The following STIM2 variants were observed in gnomAD, a reference collection of about 807,000 sequenced individuals.
STIM2 encodes the protein stromal interaction molecule 2.
STIM2 carries 31 observed loss-of-function variants against 85.8 expected under a neutral mutation model. The ratio of observed to expected loss-of-function variants is 0.36; its 90% CI spans 0.27 to 0.49. STIM2 has a LOEUF of 0.49. Among genes scored for constraint, STIM2 ranks in the 20% least tolerant of loss-of-function variants. STIM2 has a pLI of 0.98. For missense variants in STIM2, 841 were observed against 927.6 expected (o/e 0.91, Z 1.21); for synonymous variants, 356 against 331.1 (o/e 1.08, Z -0.82).
intron 2 of STIM2, among the ~76,000 whole-genome samples, chr4:26,933,809 T>C (rs1011168800): frequency 5.5e-5 from 8 of 146,012 alleles, no homozygotes; most frequent in African/African-American, 1.8e-4. Context: ...TTAAAATAAA[T>C]AGCTGTATAT....
At chr4:27,009,578 T>A (rs1338548983) in intron 10 of STIM2, among the ~76,000 whole-genome samples, 1 of 152,240 alleles carries the variant, frequency 6.6e-6, no homozygotes, top group Non-Finnish European at 1.5e-5. Context: ...TTGCTGGTTT[T>A]ACTTCTCTGG....
intron 1 of STIM2, among the ~76,000 whole-genome samples, chr4:26,916,414 A>C (rs1560206221): frequency 6.6e-6 from 1 of 152,208 alleles, no homozygotes; most frequent in Non-Finnish European, 1.5e-5. Context: ...GAGTGCTGCC[A>C]GGCTGACTGT....
chr4:26,903,151 T>G (rs765832810), intron 1 of STIM2, among the ~76,000 whole-genome samples: 2 of 152,128 alleles, frequency 1.3e-5, no homozygotes, highest in Non-Finnish European at 2.9e-5. Context: ...CTTACCTCAT[T>G]AACACAGCCT....
At chr4:27,010,434 ACT>A (rs1304130036) in intron 10 of STIM2, among the ~76,000 whole-genome samples, 2 of 152,098 alleles carry the variant, frequency 1.3e-5, no homozygotes, top group African/African-American at 4.8e-5. Flanking sequence ...ACAGAGCAAG[ACT>A]CAGTCTCAAA....
intron 2 of STIM2, among the ~76,000 whole-genome samples, chr4:26,920,730 A>G (rs1398221145): frequency 6.6e-6 from 1 of 152,202 alleles, no homozygotes; most frequent in African/African-American, 2.4e-5. Flanking sequence ...TGATTCCTCT[A>G]TCTCTAGGCC....
chr4:26,873,294 G>A (rs1722696554), intron 1 of STIM2, among the ~76,000 whole-genome samples: 1 of 151,850 alleles, frequency 6.6e-6, no homozygotes, highest in Non-Finnish European at 1.5e-5. Context: ...AGCTACTTGG[G>A]AGGCAGGAAA....
rs538116604 is a variant in STIM2, at chr4:27,022,528, A to G, written c.1773A>G (p.Pro591=). The G allele has an allele frequency of 1.9e-6, 3 of 1,591,470 alleles. No homozygotes were observed. In the South Asian group the frequency reaches 3.4e-5, roughly 18 times the overall value. The stretch of plus-strand genomic sequence containing the variant: ...TTTGTGTTTCATTCAGGGAAGTGCC[A>G]GACACAGCTTCAGAATGTGACTCCT... Residue 591 remains proline (P), a synonymous_variant, in exon 12 of 12, where the codon CCA becomes CCG. Transcript: ENST00000467087.
chr4:26,861,450 C>A, intron 1 of STIM2, 81 bp downstream of exon 1: 1 of 1,236,768 alleles, frequency 8.1e-7, no homozygotes, highest in South Asian at 3.3e-5. Flanking sequence ...GCATCTCCGC[C>A]GGACGTCCGC....
chr4:27,012,124 C>T (rs970606582), intron 10 of STIM2, among the ~76,000 whole-genome samples: 7 of 152,046 alleles, frequency 4.6e-5, no homozygotes, highest in Admixed American at 1.3e-4. Context: ...TCCATAGATA[C>T]ATAAGTGCTC....
At chr4:27,009,735 G>A (rs6855865) in intron 10 of STIM2, among the ~76,000 whole-genome samples, 48,348 of 152,076 alleles carry the variant, frequency 0.32, 7,765 homozygotes, top group East Asian at 0.39. Context: ...AGGTCATGAC[G>A]GTTGCAAAGT....
rs933218765 is a variant in STIM2 at position 26,898,154 on chromosome 4, A to G, written c.152-21350A>G. Among the ~76,000 whole-genome samples the G allele has an allele frequency of 2.6e-5, 4 of 152,182 alleles. No individual in the cohort carries two copies. In the East Asian group the frequency reaches 5.8e-4, roughly 22 times the overall value. Reference sequence around the variant, plus strand: ...TAGTTATGTTCACTTTTCAGACAGCACTTCTTTTTTCCTCAGGCAATTGAT... The same window carrying G: ...TAGTTATGTTCACTTTTCAGACAGCGCTTCTTTTTTCCTCAGGCAATTGAT... On this transcript the variant is annotated intron_variant, in intron 1 of 11. Transcript: ENST00000467087.
rs186953759 is a variant in STIM2, at chr4:26,958,765, T to G, written c.397+1039T>G. ...GGATAGGAATAGAAATAAACAAATA[T>G]CAGTTTCATGAGGAAAAGTGAAAAT... On this transcript the variant is annotated intron_variant, in intron 3 of 11. Coordinates refer to ENST00000467087, the MANE Select transcript of STIM2 (RefSeq NM_020860.4). 3.3e-5 allele frequency among the ~76,000 whole-genome samples: 5 copies of G among 152,236 alleles called. No individual in the cohort carries two copies. In the East Asian group the frequency reaches 9.6e-4, roughly 29 times the overall value.
chr4:26,997,432 T>C (rs1727997113), intron 4 of STIM2, among the ~76,000 whole-genome samples: 1 of 152,188 alleles, frequency 6.6e-6, no homozygotes, highest in Non-Finnish European at 1.5e-5. Context: ...TGCCAAACAT[T>C]ATACTAAGGC....
chr4:26,869,301 A>C lies in STIM2; in HGVS notation c.151+7932A>C, dbSNP rs1227378138. Among the ~76,000 whole-genome samples, 15 of 35,778 alleles carry C rather than the reference A, an allele frequency of 4.2e-4. 1 individual carries two copies. The highest frequency in any genetic ancestry group is 8.0e-4 in the Non-Finnish European group (14 of 17,520). 23.5% of individuals were successfully genotyped at this position (35,778 alleles called of 152,430 possible). ...ACGGCGGAGTGAGACCCTGTCTCCA[A>C]AAAAAAAAAAAAAAAAAAAGGAAGA... On this transcript the variant is annotated intron_variant, in intron 1 of 11. Coordinates refer to ENST00000467087, the MANE Select transcript of STIM2 (RefSeq NM_020860.4).
chr4:26,973,548 T>C (rs2109106647), intron 3 of STIM2, among the ~76,000 whole-genome samples: 1 of 152,324 alleles, frequency 6.6e-6, no homozygotes, highest in East Asian at 1.9e-4. Context: ...GTTGTGCGGT[T>C]TTGAGTGAAT....
intron 1 of STIM2, among the ~76,000 whole-genome samples, chr4:26,865,267 T>G (rs1461403832): frequency 4.6e-5 from 7 of 152,162 alleles, no homozygotes; most frequent in African/African-American, 1.7e-4. Context: ...TTCTGAACAT[T>G]TAAGAATTGA....
intron 1 of STIM2, among the ~76,000 whole-genome samples, chr4:26,901,360 A>G (rs1220509357): frequency 6.6e-6 from 1 of 152,178 alleles, no homozygotes; most frequent in Non-Finnish European, 1.5e-5. Context: ...AATTTCTATG[A>G]GGATTCAATA....
At chr4:26,998,678 T>C (rs1198721185) in intron 4 of STIM2, among the ~76,000 whole-genome samples, 1 of 152,122 alleles carries the variant, frequency 6.6e-6, no homozygotes, top group East Asian at 1.9e-4. Flanking sequence ...TTTGGGAGGC[T>C]GAGGCGGGCG....
chr4:26,885,058 A>C (rs1165965535), intron 1 of STIM2, among the ~76,000 whole-genome samples: 1 of 152,192 alleles, frequency 6.6e-6, no homozygotes, highest in Non-Finnish European at 1.5e-5. Context: ...ATCAGAATGT[A>C]TTGGGTACAG....
Sources: gnomAD v4.1 joint callset for allele counts (sites outside exome capture counted in the v4.1 genomes callset) on GRCh38, gnomAD v4.1.1 for gene constraint, MANE v1.5 for transcripts, NCBI Gene and HGNC (gene_info 2026-07-23, HGNC 2026-07-21) for gene names.